Variants in ZNF616 observed in about 807,000 individuals in gnomAD.
ZNF616 encodes zinc finger protein 616.
ZNF616 carries 5 observed loss-of-function variants against 7.6 expected under a neutral mutation model. That is an observed-to-expected ratio of 0.66 (90% CI 0.34 to 1.38). The LOEUF is 1.38. Among genes scored for constraint, ZNF616 ranks in the 40% most tolerant of loss-of-function variants. The pLI is 0.04. For synonymous variants in ZNF616, 319 were observed against 317.2 expected, an observed-to-expected ratio of 1.01 and a Z score of -0.06; for missense variants, 913 against 948.3, an observed-to-expected ratio of 0.96 and a Z score of 0.49.
intron 1 of ZNF616, among the ~76,000 whole-genome samples, chr19:52,133,100 C>T (rs1263165109): frequency 6.6e-6 from 1 of 152,096 alleles, no homozygotes; most frequent in African/African-American, 2.4e-5. Context: ...ATAAAGTTAT[C>T]AGTGGAATGG....
In ZNF616 at chr19:52,116,173, C is replaced by T. The variant is rs760424585; in HGVS notation, c.991G>A (p.Gly331Ser). 1.2e-6 allele frequency: 2 copies of T among 1,614,122 alleles called. No individual in the cohort carries two copies. The highest frequency in any genetic ancestry group is 1.7e-5 in the Admixed American group (1 of 60,012). The change falls in exon 4 of 4, where the codon GGC becomes AGC. Residue 331 changes from glycine to serine, a missense_variant. By Grantham distance (56) the Gly-to-Ser change is moderately conservative (BLOSUM62 0). Transcript: ENST00000600228. ...TTTGAGCTCCGTTTAAAGGTTTTGCCACACTCATTACATTTGAAGGGTCTC... is the reference window on the plus strand; with the variant it reads ...TTTGAGCTCCGTTTAAAGGTTTTGCTACACTCATTACATTTGAAGGGTCTC... ...GERPFKCNECGKTFKRSSNLT... is the reference protein window; with the variant it reads ...GERPFKCNECSKTFKRSSNLT...
chr19:52,123,979 T>G lies in ZNF616; in HGVS notation c.83A>C (p.Gln28Pro), dbSNP rs767177691. Residue 28 changes from glutamine (Q) to proline (P), a missense_variant, in exon 3 of 4, where the codon CAG becomes CCG. Coordinates refer to ENST00000600228, the MANE Select transcript of ZNF616 (RefSeq NM_178523.5). ...CATCACATCCTTGTACAAAGCTTTC[T>G]GCACAGGCTCCAGGCATTTCCACTC... is the stretch of plus-strand genomic sequence containing the variant. ...QEEWKCLEPV[Q>P]KALYKDVMLE... The G allele has an allele frequency of 6.2e-7, 1 of 1,614,152 alleles. No homozygotes were observed. The highest frequency in any genetic ancestry group is 8.5e-7 in the Non-Finnish European group (1 of 1,180,008).
At position 52,132,119 on chromosome 19, in the gene ZNF616, A is replaced by G. The variant is rs538123962; in HGVS notation, c.-76-1531T>C. Among the ~76,000 whole-genome samples the G allele has an allele frequency of 5.3e-5, 8 of 152,320 alleles. No homozygotes were observed. The South Asian group carries it at 1.7e-3, about 32-fold the overall frequency. ...TTCCCTACCATTTTAGGTAAATGTA[A>G]CTTTTCTTTATCATTTGAATTAAAA... On this transcript the variant is annotated intron_variant, in intron 1 of 3. Transcript: ENST00000600228.
At chr19:52,132,346 G>A (rs2088967311) in intron 1 of ZNF616, among the ~76,000 whole-genome samples, 1 of 152,126 alleles carries the variant, frequency 6.6e-6, no homozygotes, top group Admixed American at 6.5e-5. Flanking sequence ...GAGACAACAG[G>A]ACACAGAATT....
rs1452338687 is a variant in ZNF616 at position 52,115,284 on chromosome 19, T to C, written c.1880A>G (p.His627Arg). The part of the protein sequence containing the change: ...GSTLNRHQRI[H>R]TGEKPYKCNQ... ...GCATTTGTAAGGTTTCTCTCCGGTATGAATTCTCTGATGTCTATTGAGTGT... is the reference window on the plus strand; with the variant it reads ...GCATTTGTAAGGTTTCTCTCCGGTACGAATTCTCTGATGTCTATTGAGTGT... The change falls in exon 4 of 4, where the codon CAT becomes CGT. Residue 627 changes from histidine (H) to arginine (R), a missense_variant. By Grantham distance (29) the His-to-Arg change is conservative. Transcript: ENST00000600228. 5 of 1,614,184 alleles carry C rather than the reference T, an allele frequency of 3.1e-6. No homozygotes were observed. Among genetic ancestry groups the C allele is most frequent in the East Asian group, 2.2e-5 (1 of 44,882 alleles).
rs1304279190 is a variant in ZNF616 at position 52,116,354 on chromosome 19, T to C, written c.810A>G (p.Ile270Met). Residue 270 changes from isoleucine (I) to methionine (M), a missense_variant, in exon 4 of 4, where the codon ATA becomes ATG. Physicochemically the swap from Ile to Met is conservative, Grantham distance 10. Transcript: ENST00000600228. Reference sequence around the variant, plus strand: ...TAAAGGACTTGCCACATTCATTACATATGTAGGGTTTCTGTCCAGTGTGAC... The same window carrying C: ...TAAAGGACTTGCCACATTCATTACACATGTAGGGTTTCTGTCCAGTGTGAC... ...QRSHTGQKPY[I>M]CNECGKSFSK... The C allele has an allele frequency of 6.2e-7, 1 of 1,614,190 alleles. No individual in the cohort carries two copies. Among genetic ancestry groups the C allele is most frequent in the Middle Eastern group, 1.6e-4 (1 of 6,062 alleles).
chr19:52,118,051 TC>T (rs772161289), intron 3 of ZNF616, among the ~76,000 whole-genome samples: 12 of 152,216 alleles, frequency 7.9e-5, no homozygotes, highest in Non-Finnish European at 1.2e-4. Flanking sequence ...CAAGCGATCC[TC>T]CCACCTCAGC....
chr19:52,115,735 G>A lies in ZNF616; in HGVS notation c.1429C>T (p.His477Tyr), dbSNP rs141351583. 2 of 1,613,892 alleles carry A rather than the reference G, an allele frequency of 1.2e-6. No individual in the cohort carries two copies. Among genetic ancestry groups the A allele is most frequent in the Non-Finnish European group, 1.7e-6 (2 of 1,179,978 alleles). ...CTCTGATGAGCTGCAAGTCGTGAATGTATGCTGAAAACTTTGCCACATTCA... is the reference window on the plus strand; with the variant it reads ...CTCTGATGAGCTGCAAGTCGTGAATATATGCTGAAAACTTTGCCACATTCA... The part of the protein sequence containing the change: ...CNECGKVFSI[H>Y]SRLAAHQRIH... The change falls in exon 4 of 4, where the codon CAT (histidine) becomes TAT (tyrosine). Residue 477 changes from histidine (H) to tyrosine (Y), a missense_variant. Physicochemically the swap from His to Tyr is moderately conservative, Grantham distance 83. Transcript: ENST00000600228.
intron 2 of ZNF616, among the ~76,000 whole-genome samples, chr19:52,127,824 C>T (rs1478422269): frequency 6.6e-6 from 1 of 152,060 alleles, no homozygotes; most frequent in East Asian, 1.9e-4. Flanking sequence ...GCTATTACTG[C>T]TTATTAACAA....
chr19:52,130,221 C>A (rs908618625), intron 2 of ZNF616, among the ~76,000 whole-genome samples: 11 of 152,184 alleles, frequency 7.2e-5, no homozygotes, highest in African/African-American at 2.7e-4. Flanking sequence ...TACCACGGGA[C>A]CCTCACCCCA....
At chr19:52,133,384 AC>A (rs1314743020) in intron 1 of ZNF616, among the ~76,000 whole-genome samples, 3 of 152,164 alleles carry the variant, frequency 2.0e-5, no homozygotes. Flanking sequence ...CAGTTGTTAC[AC>A]TTTATAATAG....
intron 2 of ZNF616, among the ~76,000 whole-genome samples, 165 bp from the exon 3 acceptor site, chr19:52,124,214 A>T (rs964588054): frequency 1.3e-5 from 2 of 152,274 alleles, no homozygotes; most frequent in African/African-American, 2.4e-5. Context: ...TATAAAATAC[A>T]ATAGGAGACT....
intron 1 of ZNF616, chr19:52,138,435 A>C (rs1167708150): frequency 6.6e-6 from 1 of 152,164 alleles, no homozygotes; most frequent in East Asian, 1.9e-4. Context: ...CAATACATTA[A>C]AACCACCATC....
intron 2 of ZNF616, among the ~76,000 whole-genome samples, chr19:52,129,781 TC>T: frequency 6.7e-6 from 1 of 148,314 alleles, no homozygotes; most frequent in East Asian, 2.0e-4. Context: ...CGCCTCCTTT[TC>T]CATATTTTTT....
chr19:52,131,069 A>C (rs1256547818), intron 1 of ZNF616, among the ~76,000 whole-genome samples: 1 of 152,048 alleles, frequency 6.6e-6, no homozygotes, highest in Admixed American at 6.5e-5. Flanking sequence ...GGAATTCGAG[A>C]CCAGCCTGGC....
At chr19:52,134,849 A>G (rs1395701923) in intron 1 of ZNF616, among the ~76,000 whole-genome samples, 1 of 152,114 alleles carries the variant, frequency 6.6e-6, no homozygotes, top group Non-Finnish European at 1.5e-5. Flanking sequence ...GCCTGGAGAA[A>G]ATATCCCTGT....
rs1380939743 is a variant in ZNF616 at position 52,139,402 on chromosome 19, G to C, written c.-77+330C>G. ...CTAGGTGGCGCGCGGAGGACACTAG[G>C]TGGCGCGGGGGACGGTGTCTCAGGA... On this transcript the variant is annotated intron_variant, in intron 1 of 3. Transcript: ENST00000600228. The surrounding 1 kb of genome is among the most constrained non-coding windows in gnomAD (Gnocchi z 4.1). 6.6e-6 allele frequency among the ~76,000 whole-genome samples: 1 copy of C among 151,028 alleles called. No individual in the cohort carries two copies. The highest frequency in any genetic ancestry group is 1.5e-5 in the Non-Finnish European group (1 of 68,012).
chr19:52,121,418 C>T (rs1377026630), intron 3 of ZNF616, among the ~76,000 whole-genome samples: 1 of 152,102 alleles, frequency 6.6e-6, no homozygotes, highest in Non-Finnish European at 1.5e-5. Flanking sequence ...TATTCCTAAA[C>T]AGCCAATATG....
Position 52,115,580 on chromosome 19 carries a change from C to CAAG in ZNF616, c.1583_1584insCTT (p.Lys528delinsAsnLeu). On this transcript the variant is annotated protein_altering_variant, in exon 4 of 4. Coordinates refer to ENST00000600228, the MANE Select transcript of ZNF616 (RefSeq NM_178523.5). ...CAAAAGCTGAACGGTCACTGAAGAC[C>CAAG]TTGCCACATTCTTTGCATTTGTAAG... 1 of 1,613,968 alleles carries CAAG rather than the reference C, an allele frequency of 6.2e-7. No homozygotes were observed. Among genetic ancestry groups the CAAG allele is most frequent in the Middle Eastern group, 1.6e-4 (1 of 6,062 alleles).
Sources: allele counts gnomAD v4.1 joint callset (sites outside exome capture counted in the v4.1 genomes callset), GRCh38; gene constraint gnomAD v4.1.1; non-coding constraint Gnocchi (gnomAD v3.1); transcripts MANE v1.5; gene names NCBI Gene and HGNC (gene_info 2026-07-23, HGNC 2026-07-21).